The following BLNK variants were observed in gnomAD, a reference collection of about 807,000 sequenced individuals.
The protein encoded by BLNK is B-cell linker protein.
In BLNK, 29 loss-of-function variants were observed where a neutral mutation model predicts 73.5. The ratio of observed to expected loss-of-function variants is 0.39; its 90% CI spans 0.29 to 0.54. BLNK has a LOEUF of 0.54. BLNK is among the 20% of genes least tolerant of loss of function. BLNK has a pLI of 0.61. For missense variants in BLNK, 460 were observed against 562.8 expected, an observed-to-expected ratio of 0.82 and a Z score of 1.85; for synonymous variants, 176 against 200.8, an observed-to-expected ratio of 0.88 and a Z score of 1.04.
intron 16 of BLNK, 71 bp downstream of exon 16, chr10:96,196,837 C>CTA (rs1187800609): frequency 6.9e-7 from 1 of 1,458,096 alleles, no homozygotes; most frequent in Non-Finnish European, 9.6e-7. Flanking sequence ...TCTCTAGCAT[C>CTA]TAATACAGTA....
intron 8 of BLNK, among the ~76,000 whole-genome samples, chr10:96,211,477 T>G (rs1215448089): frequency 6.6e-6 from 1 of 152,108 alleles, no homozygotes; most frequent in South Asian, 2.1e-4. Flanking sequence ...CAAAAAGTAT[T>G]GAAATAGAGT....
At chr10:96,204,888 G>T in intron 11 of BLNK, 1 of 405,792 alleles carries the variant, frequency 2.5e-6, no homozygotes, top group East Asian at 5.5e-5. Context: ...GAACCCACGG[G>T]CCCTGAAACT....
chr10:96,227,397 C>T lies in BLNK; in HGVS notation c.361+13G>A, dbSNP rs782557035. Reference sequence around the variant, plus strand: ...CTGGAAGGCCGAGTGCCCAGGTCTGCGGGGGACCTCACCTATATACTCGCC... The same window carrying T: ...CTGGAAGGCCGAGTGCCCAGGTCTGTGGGGGACCTCACCTATATACTCGCC... On this transcript the variant is annotated intron_variant, in intron 5 of 16. Coordinates refer to ENST00000224337, the MANE Select transcript of BLNK (RefSeq NM_013314.4). 10 of 1,612,554 alleles carry T rather than the reference C, an allele frequency of 6.2e-6. No homozygotes were observed. The highest frequency in any genetic ancestry group is 4.0e-5 in the African/African-American group (3 of 74,942).
In BLNK at chr10:96,254,624, C is replaced by T. The variant is rs141851992; in HGVS notation, c.48-7575G>A. On this transcript the variant is annotated intron_variant, in intron 1 of 16. Transcript: ENST00000224337. ...CTCCCAGGTTCAAGTGATTCTCCTA[C>T]CTCAGCCTCCCGAGTAGCTGGGATT... Among the ~76,000 whole-genome samples, 788 of 152,292 alleles carry T rather than the reference C, an allele frequency of 5.2e-3. 3 individuals are homozygous for T. Among genetic ancestry groups the T allele is most frequent in the Middle Eastern group, 0.014 (4 of 294 alleles).
At chr10:96,242,872 A>G in intron 2 of BLNK, 88 bp from the exon 3 acceptor site, 1 of 1,068,942 alleles carries the variant, frequency 9.4e-7, no homozygotes, top group South Asian at 1.3e-5. Flanking sequence ...GACAGAATAG[A>G]TAGACAACTA....
intron 4 of BLNK, among the ~76,000 whole-genome samples, 193 bp from the exon 5 acceptor site, chr10:96,227,759 C>T (rs1233002158): frequency 3.3e-5 from 5 of 152,190 alleles, no homozygotes; most frequent in South Asian, 2.1e-4. Flanking sequence ...CAAAGTTTAT[C>T]GTCTCCACCA....
At chr10:96,248,259 C>T (rs1843132248) in intron 1 of BLNK, among the ~76,000 whole-genome samples, 1 of 152,082 alleles carries the variant, frequency 6.6e-6, no homozygotes. Flanking sequence ...ATTTTTGCAC[C>T]AGCCTTTCTC....
At chr10:96,198,257 C>G (rs1224356951) in intron 15 of BLNK, among the ~76,000 whole-genome samples, 2 of 151,992 alleles carry the variant, frequency 1.3e-5, no homozygotes, top group Non-Finnish European at 2.9e-5. Context: ...GAATCAAAGA[C>G]AGTGATGGGA....
At chr10:96,227,364 C>T (rs372103176) in intron 5 of BLNK, 46 bp downstream of exon 5, 2 of 1,603,896 alleles carry the variant, frequency 1.2e-6, no homozygotes, top group Non-Finnish European at 1.7e-6. Context: ...CCCCACCTCC[C>T]CATGGGCCTG....
In BLNK at chr10:96,218,606, G is replaced by A. The variant is rs187498614; in HGVS notation, c.526-1872C>T. Among the ~76,000 whole-genome samples the A allele has an allele frequency of 3.3e-5, 5 of 151,766 alleles. No homozygotes were observed. In the East Asian group the frequency reaches 7.8e-4, roughly 24 times the overall value. On this transcript the variant is annotated intron_variant, in intron 6 of 16. Transcript: ENST00000224337. ...CTACTCCAGAGGCTGAGGTGGGAAG[G>A]TTGCTTGAGCCCAGGAAGCTGAGGC...
chr10:96,215,502 G>T, intron 7 of BLNK, 113 bp from the exon 8 acceptor site: 1 of 985,768 alleles, frequency 1.0e-6, no homozygotes, highest in Non-Finnish European at 1.5e-6. Context: ...CCAGACCAGA[G>T]AATTTGCAAA....
In BLNK at chr10:96,192,097, A is replaced by T; in HGVS notation, c.1252-5T>A. 6.2e-7 allele frequency: 1 copy of T among 1,613,540 alleles called. No homozygotes were observed. Among genetic ancestry groups the T allele is most frequent in the Non-Finnish European group, 8.5e-7 (1 of 1,179,676 alleles). ...TTCAGCAACACTTCCAAAGTACTAGAGGAAGAAAACATAGATGAATTATAC... is the reference window on the plus strand; with the variant it reads ...TTCAGCAACACTTCCAAAGTACTAGTGGAAGAAAACATAGATGAATTATAC... On this transcript the variant is annotated splice_polypyrimidine_tract_variant and splice_region_variant and intron_variant, in intron 16 of 16. Transcript: ENST00000224337.
rs112084328 is a variant in BLNK at position 96,197,784 on chromosome 10, C to T, written c.1096-721G>A. Among the ~76,000 whole-genome samples, 275 of 151,808 alleles carry T rather than the reference C, an allele frequency of 1.8e-3. 1 individual carries two copies. The highest frequency in any genetic ancestry group is 6.4e-3 in the African/African-American group (264 of 41,462). Reference sequence around the variant, plus strand: ...AAAAATCCCTAGCCGGGCATAGTGGCGGGCACCTGTAGTCCCAGCTACTCG... The same window carrying T: ...AAAAATCCCTAGCCGGGCATAGTGGTGGGCACCTGTAGTCCCAGCTACTCG... On this transcript the variant is annotated intron_variant, in intron 15 of 16. Coordinates refer to ENST00000224337, the MANE Select transcript of BLNK (RefSeq NM_013314.4).
intron 6 of BLNK, among the ~76,000 whole-genome samples, chr10:96,220,695 C>G (rs1476259989): frequency 6.6e-6 from 1 of 152,162 alleles, no homozygotes; most frequent in African/African-American, 2.4e-5. Context: ...AGTGATTGGT[C>G]TTTTGAAGCC....
At chr10:96,195,081 A>C (rs2083432243) in intron 16 of BLNK, among the ~76,000 whole-genome samples, 1 of 152,162 alleles carries the variant, frequency 6.6e-6, no homozygotes, top group Admixed American at 6.5e-5. Flanking sequence ...AGAAATGCAA[A>C]TTAAAACCAC....
intron 3 of BLNK, among the ~76,000 whole-genome samples, chr10:96,232,216 G>T (rs587596165): frequency 1.3e-5 from 2 of 152,258 alleles, no homozygotes; most frequent in African/African-American, 2.4e-5. Context: ...CTCCTGCCCC[G>T]CTGAGCAGCC....
intron 6 of BLNK, among the ~76,000 whole-genome samples, chr10:96,217,239 T>C (rs2084088995): frequency 6.6e-6 from 1 of 152,224 alleles, no homozygotes; most frequent in Non-Finnish European, 1.5e-5. Context: ...TGAGTTTTTT[T>C]CCACTTTTTG....
intron 8 of BLNK, among the ~76,000 whole-genome samples, chr10:96,211,322 A>C (rs587729594): frequency 6.6e-6 from 1 of 152,328 alleles, no homozygotes; most frequent in East Asian, 1.9e-4. Flanking sequence ...GTACATGTAA[A>C]GCACATGAAG....
chr10:96,240,554 C>T lies in BLNK; in HGVS notation c.163+2181G>A, dbSNP rs150462892. Reference sequence around the variant, plus strand: ...GGATAACAGGTGTGAGCCCCTGTGCCTGGCTCTACTTTTCTTCATATTTAA... The same window carrying T: ...GGATAACAGGTGTGAGCCCCTGTGCTTGGCTCTACTTTTCTTCATATTTAA... On this transcript the variant is annotated intron_variant, in intron 3 of 16. Coordinates refer to ENST00000224337, the MANE Select transcript of BLNK (RefSeq NM_013314.4). Among the ~76,000 whole-genome samples the T allele has an allele frequency of 2.3e-3, 353 of 152,280 alleles. 1 individual carries two copies. Among genetic ancestry groups the T allele is most frequent in the African/African-American group, 7.9e-3 (327 of 41,550 alleles).
Sources: gnomAD v4.1 joint callset for allele counts (sites outside exome capture counted in the v4.1 genomes callset) on GRCh38, gnomAD v4.1.1 for gene constraint, MANE v1.5 for transcripts, NCBI Gene and HGNC (gene_info 2026-07-23, HGNC 2026-07-21) for gene names.